The following SLAIN2 variants were observed in gnomAD, a reference collection of about 807,000 sequenced individuals.
The protein encoded by SLAIN2 is SLAIN motif-containing protein 2.
A neutral mutation model predicts 56.6 loss-of-function variants in SLAIN2; 31 were observed. The observed-to-expected ratio is 0.55, with a 90% CI of 0.41 to 0.74. The LOEUF is 0.74. Among genes scored for constraint, SLAIN2 ranks in the 30% least tolerant of loss-of-function variants. SLAIN2 has a pLI of 0.00. For missense variants in SLAIN2, 777 were observed against 754.2 expected (o/e 1.03, Z -0.35); for synonymous variants, 317 against 284.9 (o/e 1.11, Z -1.13).
At chr4:48,397,157 C>CG (rs1199870619) in intron 6 of SLAIN2, among the ~76,000 whole-genome samples, 2 of 151,942 alleles carry the variant, frequency 1.3e-5, no homozygotes, top group Non-Finnish European at 2.9e-5. Flanking sequence ...ACCAAGCCAG[C>CG]GGGAAAAAAT....
At chr4:48,364,786 G>A (rs1715463882) in intron 1 of SLAIN2, among the ~76,000 whole-genome samples, 1 of 143,596 alleles carries the variant, frequency 7.0e-6, no homozygotes, top group Admixed American at 6.9e-5. Context: ...AATCAGGCAG[G>A]GAGGTTGCAG....
At chr4:48,394,784 TGAG>T (rs1353572888) in intron 6 of SLAIN2, 52 of 670,666 alleles carry the variant, frequency 7.8e-5, no homozygotes, top group Admixed American at 1.9e-4. Context: ...AATAAAATAA[TGAG>T]GATTTATTCT....
chr4:48,420,929 G>A (rs1189061689), intron 7 of SLAIN2, among the ~76,000 whole-genome samples: 1 of 152,174 alleles, frequency 6.6e-6, no homozygotes, highest in Non-Finnish European at 1.5e-5. Context: ...TACCTTCAGA[G>A]AGTCTAACTT....
At position 48,383,675 on chromosome 4, in the gene SLAIN2, G is replaced by C. The variant is rs759290606; in HGVS notation, c.1251G>C (p.Leu417=). The C allele has an allele frequency of 6.2e-7, 1 of 1,603,592 alleles. No individual in the cohort carries two copies. Among genetic ancestry groups the C allele is most frequent in the Non-Finnish European group, 8.5e-7 (1 of 1,173,804 alleles). ...EEKLRRSLPN[L]SRTSNTQVDS... ...AACTAAGACGCAGTCTTCCAAACCT[G>C]TCCCGAACATCTAATACACAAGTTG... Residue 417 remains leucine, a synonymous_variant, in exon 6 of 8, where the codon CTG becomes CTC. Coordinates refer to ENST00000264313, the MANE Select transcript of SLAIN2 (RefSeq NM_020846.2).
chr4:48,346,550 G>T (rs1007559738), intron 1 of SLAIN2, among the ~76,000 whole-genome samples: 5 of 152,130 alleles, frequency 3.3e-5, no homozygotes, highest in African/African-American at 1.2e-4. Flanking sequence ...TTGATTTATT[G>T]TATGACCTCT....
rs1717218428 is a variant in SLAIN2 at position 48,423,506 on chromosome 4, A to G, written c.*1429A>G. On this transcript the variant is annotated 3_prime_UTR_variant, in exon 8 of 8. Transcript: ENST00000264313. ...TCTAAAAGCTTTTAGAGATTTGAAC[A>G]TAAGTTCATTTCCTGTTAATCAAAG... The G allele has an allele frequency of 1.3e-5, 2 of 152,206 alleles. No individual in the cohort carries two copies. The highest frequency in any genetic ancestry group is 2.9e-5 in the Non-Finnish European group (2 of 68,038). The allele number at this position is 152,206 out of a possible 1,614,324, so 9.4% of individuals were successfully genotyped here. A position where few individuals can be genotyped will look rare whatever the true frequency, so the allele number is the denominator to read the frequency against.
chr4:48,348,615 G>A (rs553243686), intron 1 of SLAIN2, among the ~76,000 whole-genome samples: 4 of 151,626 alleles, frequency 2.6e-5, no homozygotes, highest in Non-Finnish European at 5.9e-5. Flanking sequence ...GCTTGAATCC[G>A]GGAGGCAGAG....
At chr4:48,398,960 A>G (rs1716479843) in intron 6 of SLAIN2, among the ~76,000 whole-genome samples, 1 of 152,052 alleles carries the variant, frequency 6.6e-6, no homozygotes, top group Non-Finnish European at 1.5e-5. Context: ...TTTGCTTAGG[A>G]TTGTCTTGGC....
chr4:48,354,397 C>T (rs1327108117), intron 1 of SLAIN2, among the ~76,000 whole-genome samples: 1 of 151,994 alleles, frequency 6.6e-6, no homozygotes, highest in Non-Finnish European at 1.5e-5. Context: ...AACTTAGCCT[C>T]TTAGAGAAAT....
At chr4:48,365,253 G>T (rs1226882595) in intron 1 of SLAIN2, among the ~76,000 whole-genome samples, 1 of 151,630 alleles carries the variant, frequency 6.6e-6, no homozygotes, top group Admixed American at 6.6e-5. Flanking sequence ...CGAATCACTT[G>T]AAGTCAGGAG....
At chr4:48,366,821 G>GT (rs35289445) in intron 1 of SLAIN2, among the ~76,000 whole-genome samples, 44,165 of 151,924 alleles carry the variant, frequency 0.29, 6,674 homozygotes, top group South Asian at 0.48. Context: ...AGTAATGTTT[G>GT]TTTTTTTAAG....
At chr4:48,400,238 G>A (rs568719197) in intron 6 of SLAIN2, among the ~76,000 whole-genome samples, 1 of 152,118 alleles carries the variant, frequency 6.6e-6, no homozygotes, top group Admixed American at 6.5e-5. Flanking sequence ...TTGGGAGGGT[G>A]TATGTGTCCA....
chr4:48,411,800 TGGAATTTTCA>T (rs1716854800), intron 6 of SLAIN2, among the ~76,000 whole-genome samples: 1 of 152,208 alleles, frequency 6.6e-6, no homozygotes, highest in African/African-American at 2.4e-5. Flanking sequence ...TTGGTTATTT[TGGAATTTTCA>T]GGACATTGAG....
intron 6 of SLAIN2, among the ~76,000 whole-genome samples, chr4:48,386,780 A>G (rs1716112178): frequency 6.6e-6 from 1 of 152,198 alleles, no homozygotes; most frequent in South Asian, 2.1e-4. Context: ...TGAGTGATAC[A>G]GATTAATTTG....
chr4:48,393,873 G>A (rs984592922), intron 6 of SLAIN2, among the ~76,000 whole-genome samples: 5 of 152,026 alleles, frequency 3.3e-5, no homozygotes, highest in African/African-American at 9.7e-5. Context: ...AATAGATTAG[G>A]AGTTTGGAAA....
intron 1 of SLAIN2, among the ~76,000 whole-genome samples, chr4:48,362,033 C>T (rs1162192919): frequency 6.6e-6 from 1 of 152,038 alleles, no homozygotes; most frequent in African/African-American, 2.4e-5. Flanking sequence ...CCTTGCAGAA[C>T]ACATTTATTA....
Position 48,426,028 on chromosome 4 carries a change from A to G in SLAIN2, c.*3951A>G, listed in dbSNP as rs1405350354. 6.6e-6 allele frequency: 1 copy of G among 152,204 alleles called. No individual in the cohort carries two copies. Among genetic ancestry groups the G allele is most frequent in the Non-Finnish European group, 1.5e-5 (1 of 68,036 alleles). 9.4% of individuals were successfully genotyped at this position (152,204 alleles called of 1,614,324 possible). A position where few individuals can be genotyped will look rare whatever the true frequency, so the allele number is the denominator to read the frequency against. ...GAAACTCTGCTGTAGAACATAAACT[A>G]AAAATATTAAAAAGTATAAAGGTAA... is the stretch of plus-strand genomic sequence containing the variant. On this transcript the variant is annotated 3_prime_UTR_variant, in exon 8 of 8. Coordinates refer to ENST00000264313, the MANE Select transcript of SLAIN2 (RefSeq NM_020846.2).
At chr4:48,358,579 G>C (rs1715228956) in intron 1 of SLAIN2, among the ~76,000 whole-genome samples, 1 of 152,150 alleles carries the variant, frequency 6.6e-6, no homozygotes, top group Non-Finnish European at 1.5e-5. Context: ...GTCTCCCAGA[G>C]TGCTGGGATT....
At chr4:48,360,849 A>G (rs1715308609) in intron 1 of SLAIN2, among the ~76,000 whole-genome samples, 1 of 152,184 alleles carries the variant, frequency 6.6e-6, no homozygotes, top group Non-Finnish European at 1.5e-5. Flanking sequence ...ATTCCATATC[A>G]ATGGTATCAT....
Sources: allele counts gnomAD v4.1 joint callset (sites outside exome capture counted in the v4.1 genomes callset), GRCh38; gene constraint gnomAD v4.1.1; transcripts MANE v1.5; gene names NCBI Gene and HGNC (gene_info 2026-07-23, HGNC 2026-07-21).